The following THSD7A variants were observed in gnomAD, a reference collection of about 807,000 sequenced individuals.
The protein encoded by THSD7A is thrombospondin type-1 domain-containing protein 7A.
In THSD7A, 96 loss-of-function variants were observed where a neutral mutation model predicts 231.3. The ratio of observed to expected loss-of-function variants is 0.41; its 90% CI spans 0.35 to 0.49. THSD7A has a LOEUF of 0.49. Ranked by LOEUF, THSD7A falls within the 20% of genes least tolerant of loss-of-function variation. THSD7A has a pLI of 0.05. For missense variants in THSD7A, 2,290 were observed against 2,070.2 expected, an observed-to-expected ratio of 1.11 and a Z score of -2.06; for synonymous variants, 940 against 743.3, an observed-to-expected ratio of 1.26 and a Z score of -4.30.
intron 1 of THSD7A, among the ~76,000 whole-genome samples, chr7:11,807,477 A>C (rs1053296055): frequency 6.6e-6 from 1 of 152,128 alleles, no homozygotes; most frequent in Non-Finnish European, 1.5e-5. Flanking sequence ...GATGATATGG[A>C]AAGAATATAT....
At chr7:11,754,813 GT>G (rs1436081527) in intron 1 of THSD7A, among the ~76,000 whole-genome samples, 1 of 151,922 alleles carries the variant, frequency 6.6e-6, no homozygotes, top group Non-Finnish European at 1.5e-5. Flanking sequence ...TTTATGTTGA[GT>G]AAAAAATGTT....
At chr7:11,664,336 T>C (rs2128374753) in intron 1 of THSD7A, among the ~76,000 whole-genome samples, 1 of 152,028 alleles carries the variant, frequency 6.6e-6, no homozygotes, top group South Asian at 2.1e-4. Context: ...ACTAGATAGA[T>C]TTGGGTTTGT....
chr7:11,818,831 G>A (rs1231816189), intron 1 of THSD7A, among the ~76,000 whole-genome samples: 1 of 151,982 alleles, frequency 6.6e-6, no homozygotes, highest in East Asian at 1.9e-4. Flanking sequence ...AGGGAACAAA[G>A]TGTAGGACCA....
intron 1 of THSD7A, among the ~76,000 whole-genome samples, chr7:11,725,692 A>T (rs375835948): frequency 1.3e-5 from 2 of 152,022 alleles, no homozygotes; most frequent in African/African-American, 4.8e-5. Flanking sequence ...TTCCATGTTT[A>T]TACATGGCCA....
chr7:11,641,184 C>A (rs369973578), intron 1 of THSD7A, among the ~76,000 whole-genome samples: 1 of 152,034 alleles, frequency 6.6e-6, no homozygotes, highest in Non-Finnish European at 1.5e-5. Flanking sequence ...TGTGTGTATA[C>A]CTTTTACATA....
At chr7:11,457,867 C>T (rs1167251946) in intron 11 of THSD7A, among the ~76,000 whole-genome samples, 1 of 152,086 alleles carries the variant, frequency 6.6e-6, no homozygotes, top group African/African-American at 2.4e-5. Context: ...AGTCCCAACC[C>T]GTACTTTAAG....
chr7:11,745,059 A>G (rs192723996), intron 1 of THSD7A, among the ~76,000 whole-genome samples: 30,180 of 151,660 alleles, frequency 0.2, 3,957 homozygotes, highest in African/African-American at 0.38. Context: ...AGTCCCACCA[A>G]CAGTGTAAAA....
At chr7:11,734,715 T>A (rs949166998) in intron 1 of THSD7A, among the ~76,000 whole-genome samples, 3 of 151,968 alleles carry the variant, frequency 2.0e-5, no homozygotes, top group Non-Finnish European at 4.4e-5. Context: ...GTAAACATCC[T>A]AAAGAAAATT....
At chr7:11,538,347 A>AT (rs905780378) in intron 6 of THSD7A, among the ~76,000 whole-genome samples, 30 of 152,056 alleles carry the variant, frequency 2.0e-4, no homozygotes, top group East Asian at 7.8e-4. Flanking sequence ...AGACAGCATC[A>AT]TTTTTTTTGG....
intron 1 of THSD7A, among the ~76,000 whole-genome samples, chr7:11,827,116 A>C (rs980880721): frequency 2.6e-5 from 4 of 152,092 alleles, no homozygotes; most frequent in African/African-American, 9.7e-5. Context: ...CAATCCTTCC[A>C]CCTTGACCTC....
chr7:11,487,647 C>G lies in THSD7A; in HGVS notation c.1823-5665G>C, dbSNP rs145314284. ...CACATGGCTGGAAAGGCCTCACAAT[C>G]ATGGTAGAAGACAGAGAAGAAGGAA... On this transcript the variant is annotated intron_variant, in intron 6 of 27. Transcript: ENST00000423059. Among the ~76,000 whole-genome samples the G allele has an allele frequency of 2.6e-5, 4 of 152,126 alleles. No individual in the cohort carries two copies. The East Asian group carries it at 7.8e-4, about 30-fold the overall frequency.
At chr7:11,552,072 A>G (rs1318267026) in intron 4 of THSD7A, among the ~76,000 whole-genome samples, 1 of 152,174 alleles carries the variant, frequency 6.6e-6, no homozygotes, top group Admixed American at 6.5e-5. Flanking sequence ...AGGAACAGAA[A>G]ACCAAATACT....
intron 13 of THSD7A, among the ~76,000 whole-genome samples, chr7:11,442,645 C>A (rs778639277): frequency 6.6e-6 from 1 of 151,984 alleles, no homozygotes; most frequent in African/African-American, 2.4e-5. Flanking sequence ...CCACAAACAC[C>A]AGAATTTGCA....
intron 17 of THSD7A, among the ~76,000 whole-genome samples, chr7:11,414,621 T>C (rs138584823): frequency 1.5e-3 from 226 of 152,294 alleles, no homozygotes; most frequent in Admixed American, 4.9e-3. Context: ...CATTCTTCAG[T>C]TGACAACATC....
At chr7:11,828,182 C>A (rs182483955) in intron 1 of THSD7A, among the ~76,000 whole-genome samples, 1 of 152,308 alleles carries the variant, frequency 6.6e-6, no homozygotes, top group East Asian at 1.9e-4. Context: ...AGTTAAAGTC[C>A]AATATCTTAC....
chr7:11,677,620 G>C (rs1584195742), intron 1 of THSD7A, among the ~76,000 whole-genome samples: 2 of 130,444 alleles, frequency 1.5e-5, no homozygotes, highest in Admixed American at 1.5e-4. Context: ...AAAAGCAGGG[G>C]TTGCAATCCT....
chr7:11,577,081 T>G (rs533930871), intron 4 of THSD7A, among the ~76,000 whole-genome samples: 12 of 152,312 alleles, frequency 7.9e-5, no homozygotes, highest in African/African-American at 2.6e-4. Context: ...AGTTATGTAT[T>G]AATGGGAAAA....
chr7:11,794,749 C>T (rs1237675233), intron 1 of THSD7A, among the ~76,000 whole-genome samples: 1 of 151,852 alleles, frequency 6.6e-6, no homozygotes, highest in Non-Finnish European at 1.5e-5. Context: ...TTTCAGCAGC[C>T]CTCCCACCCA....
chr7:11,454,989 A>T (rs1276355866), intron 11 of THSD7A, among the ~76,000 whole-genome samples: 1 of 151,982 alleles, frequency 6.6e-6, no homozygotes, highest in African/African-American at 2.4e-5. Context: ...CACATGTTGA[A>T]ATCACCAATG....
Sources: gnomAD v4.1 joint callset for allele counts (sites outside exome capture counted in the v4.1 genomes callset) on GRCh38, gnomAD v4.1.1 for gene constraint, MANE v1.5 for transcripts, NCBI Gene and HGNC (gene_info 2026-07-23, HGNC 2026-07-21) for gene names.